RUBCN: variants seen among roughly 807,000 people sequenced by gnomAD.
RUBCN encodes the protein run domain Beclin-1-interacting and cysteine-rich domain-containing protein.
Under a neutral mutation model 113.2 loss-of-function variants are expected in RUBCN, and 74 were observed. That is an observed-to-expected ratio of 0.65 (90% CI 0.54 to 0.79). RUBCN has a LOEUF of 0.79. RUBCN is among the 30% of genes least tolerant of loss of function. RUBCN has a pLI of 0.00. For missense variants in RUBCN, 1,109 were observed against 1,251.7 expected (o/e 0.89, Z 1.72); for synonymous variants, 480 against 490.0 (o/e 0.98, Z 0.27).
chr3:197,737,709 G>A (rs888686262), upstream of RUBCN, among the ~76,000 whole-genome samples: 1 of 152,136 alleles, frequency 6.6e-6, no homozygotes, highest in African/African-American at 2.4e-5. Context: ...CGAATCTGAT[G>A]AGAAAGCCAC....
rs376286663 is a variant in RUBCN, at chr3:197,710,125, G to A, written c.220-4950C>T. On this transcript the variant is annotated intron_variant, in intron 2 of 19. Coordinates refer to ENST00000296343, the MANE Select transcript of RUBCN (RefSeq NM_014687.4). ...GCGGAGGTTGCAGTGAGCTGAGATC[G>A]TGCCACTGCACTCCAGCCTGGGCAA... is the stretch of plus-strand genomic sequence containing the variant. Among the ~76,000 whole-genome samples, 813 of 151,144 alleles carry A rather than the reference G, an allele frequency of 5.4e-3. 6 individuals carry two copies. Among genetic ancestry groups the A allele is most frequent in the African/African-American group, 0.019 (778 of 41,168 alleles).
intron 11 of RUBCN, among the ~76,000 whole-genome samples, chr3:197,687,263 T>C (rs1386252381): frequency 6.6e-6 from 1 of 152,212 alleles, no homozygotes; most frequent in African/African-American, 2.4e-5. Context: ...ATTCTTGTTT[T>C]ATAAAGAGGA....
chr3:197,745,270 G>A (rs1252745801), intron 1 of RUBCN, among the ~76,000 whole-genome samples: 1 of 125,194 alleles, frequency 8.0e-6, no homozygotes, highest in Non-Finnish European at 1.6e-5. Context: ...GGGCAACAGA[G>A]AGAGATGCTG....
intron 1 of RUBCN, among the ~76,000 whole-genome samples, chr3:197,723,188 CT>C (rs1300903312): frequency 6.6e-6 from 1 of 151,758 alleles, no homozygotes; most frequent in Non-Finnish European, 1.5e-5. Flanking sequence ...TTTTAATTTT[CT>C]TTTTTTTCTT....
At chr3:197,697,087 G>A (rs540793715) in intron 7 of RUBCN, 38 bp from the exon 8 acceptor site, 26 of 1,013,836 alleles carry the variant, frequency 2.6e-5, no homozygotes, top group East Asian at 1.9e-4. Context: ...AAACACATAC[G>A]AAATGAGCAA....
At chr3:197,744,465 C>T (rs1419730538) in intron 1 of RUBCN, among the ~76,000 whole-genome samples, 1 of 152,206 alleles carries the variant, frequency 6.6e-6, no homozygotes, top group Non-Finnish European at 1.5e-5. Flanking sequence ...AGCATTTATT[C>T]ATGATTAACT....
upstream of RUBCN, among the ~76,000 whole-genome samples, chr3:197,737,760 A>C (rs1306719332): frequency 6.6e-6 from 1 of 152,170 alleles, no homozygotes; most frequent in African/African-American, 2.4e-5. Context: ...ATATAATACT[A>C]TATTGAGGTA....
intron 1 of RUBCN, among the ~76,000 whole-genome samples, chr3:197,728,587 G>A (rs1438725965): frequency 1.3e-5 from 2 of 152,192 alleles, no homozygotes; most frequent in Non-Finnish European, 2.9e-5. Context: ...CTGTAAGAGG[G>A]ATGACCACAA....
intron 11 of RUBCN, 80 bp from the exon 12 acceptor site, chr3:197,684,297 C>A: frequency 9.4e-7 from 1 of 1,060,958 alleles, no homozygotes; most frequent in Non-Finnish European, 1.5e-6. Flanking sequence ...CAAGGTGCTC[C>A]CAGCTAAGCT....
At position 197,681,617 on chromosome 3, in the gene RUBCN, C is replaced by CCCGCT. The variant is rs1721249305; in HGVS notation, c.2191+217_2191+218insAGCGG. ...ATCCCGCCTTACCAGCTAGCTGGAA[C>CCCGCT]TACCCAACTTTCCACAGGATACAAT... On this transcript the variant is annotated intron_variant, in intron 15 of 19. Transcript: ENST00000296343. This position sits in a 1 kb window ranked among gnomAD's most constrained non-coding sequence, Gnocchi z 5.5. Among the ~76,000 whole-genome samples, 2 of 152,222 alleles carry CCCGCT rather than the reference C, an allele frequency of 1.3e-5. No homozygotes were observed. The highest frequency in any genetic ancestry group is 2.9e-5 in the Non-Finnish European group (2 of 68,042).
chr3:197,695,535 A>C (rs1429101150), intron 9 of RUBCN, among the ~76,000 whole-genome samples: 2 of 152,186 alleles, frequency 1.3e-5, no homozygotes, highest in Admixed American at 6.5e-5. Flanking sequence ...CAGGAATTTG[A>C]GGCTGTAGTG....
chr3:197,683,244 A>T lies in RUBCN; in HGVS notation c.1980+63T>A, dbSNP rs1348618153. The T allele has an allele frequency of 4.4e-6, 7 of 1,603,816 alleles. No homozygotes were observed. In the South Asian group the frequency reaches 7.7e-5, roughly 18 times the overall value. ...ATTCCAGACTAGGGACATGTGACGA[A>T]GGAAAACAAGGTCACAGAGGCTCAC... On this transcript the variant is annotated intron_variant, in intron 13 of 19. Coordinates refer to ENST00000296343, the MANE Select transcript of RUBCN (RefSeq NM_014687.4). The surrounding 1 kb of genome is among the most constrained non-coding windows in gnomAD (Gnocchi z 4.6).
intron 18 of RUBCN, 137 bp downstream of exon 18, chr3:197,676,748 C>G: frequency 6.5e-7 from 1 of 1,546,086 alleles, no homozygotes. Flanking sequence ...GAACAGCAGC[C>G]CTTTCCAGTT....
intron 7 of RUBCN, chr3:197,699,197 A>T: frequency 1.3e-6 from 2 of 1,550,442 alleles, no homozygotes; most frequent in Non-Finnish European, 1.7e-6. Flanking sequence ...CTGCAATGGG[A>T]TCTTCAACTA....
At chr3:197,700,551 A>G in intron 7 of RUBCN, 62 bp downstream of exon 7, 1 of 1,544,176 alleles carries the variant, frequency 6.5e-7, no homozygotes, top group Non-Finnish European at 9.0e-7. Context: ...CCCCATAACA[A>G]GCCCTCTCTT....
At chr3:197,676,439 G>C in intron 18 of RUBCN, 5 of 655,940 alleles carry the variant, frequency 7.6e-6, no homozygotes, top group Non-Finnish European at 9.8e-6. Flanking sequence ...TCAGCCTCCC[G>C]AGTAGCTGGG....
intron 11 of RUBCN, among the ~76,000 whole-genome samples, chr3:197,687,256 C>A (rs1040221628): frequency 3.9e-5 from 6 of 152,080 alleles, no homozygotes; most frequent in African/African-American, 1.4e-4. Context: ...CCAAAGTATT[C>A]TTGTTTTATA....
chr3:197,723,946 A>G (rs1275927135), intron 1 of RUBCN, among the ~76,000 whole-genome samples: 1 of 152,050 alleles, frequency 6.6e-6, no homozygotes, highest in African/African-American at 2.4e-5. Flanking sequence ...AAAAATATAA[A>G]AATTAGCCAG....
At chr3:197,696,008 C>T in intron 8 of RUBCN, 27 bp from the exon 9 acceptor site, 1 of 1,602,726 alleles carries the variant, frequency 6.2e-7, no homozygotes, top group African/African-American at 1.3e-5. Context: ...GTGGATGAAA[C>T]AGCCAGGCTT....
Sources: allele counts gnomAD v4.1 joint callset (sites outside exome capture counted in the v4.1 genomes callset), GRCh38; gene constraint gnomAD v4.1.1; non-coding constraint Gnocchi (gnomAD v3.1); transcripts MANE v1.5; gene names NCBI Gene and HGNC (gene_info 2026-07-23, HGNC 2026-07-21).